The following TEAD1 variants were observed in gnomAD, a reference collection of about 807,000 sequenced individuals.
TEAD1 encodes the protein TEA domain transcription factor 1, also known as transcriptional enhancer factor TEF-1.
In TEAD1, 9 loss-of-function variants were observed where a neutral mutation model predicts 54.9. That is an observed-to-expected ratio of 0.16 (90% CI 0.10 to 0.29). TEAD1 has a LOEUF of 0.29. Among genes scored for constraint, TEAD1 ranks in the 10% least tolerant of loss-of-function variants. TEAD1 has a pLI of 1.00. For synonymous variants in TEAD1, 200 were observed against 187.8 expected, an observed-to-expected ratio of 1.07 and a Z score of -0.53; for missense variants, 387 against 535.9, an observed-to-expected ratio of 0.72 and a Z score of 2.74.
In TEAD1 at chr11:12,938,968, C is replaced by G. The variant is rs540492547; in HGVS notation, c.*1746C>G. On this transcript the variant is annotated 3_prime_UTR_variant, in exon 13 of 13. Coordinates refer to ENST00000527636, the MANE Select transcript of TEAD1 (RefSeq NM_021961.6). ...CCACATCCAATTAACTTACACACCC[C>G]CTTCCCTGTCTCAACACCTGCTTTG... The G allele has an allele frequency of 6.6e-6, 1 of 152,340 alleles. No individual in the cohort carries two copies. Among genetic ancestry groups the G allele is most frequent in the South Asian group, 2.1e-4 (1 of 4,826 alleles). The allele number at this position is 152,340 out of a possible 1,614,324, so 9.4% of individuals were successfully genotyped here.
At chr11:12,845,452 T>C (rs1947127299) in intron 3 of TEAD1, among the ~76,000 whole-genome samples, 1 of 152,170 alleles carries the variant, frequency 6.6e-6, no homozygotes, top group African/African-American at 2.4e-5. Flanking sequence ...ATTGAGTTAA[T>C]GTGTAGGGAA....
chr11:12,755,563 A>C (rs1944967774), intron 2 of TEAD1, among the ~76,000 whole-genome samples: 1 of 152,216 alleles, frequency 6.6e-6, no homozygotes. Context: ...GAAAAGGCTT[A>C]TGAGTTTTCC....
Position 12,738,285 on chromosome 11 carries a change from C to T in TEAD1, c.-54-25894C>T, listed in dbSNP as rs138569049. 4.3e-3 allele frequency among the ~76,000 whole-genome samples: 649 copies of T among 152,192 alleles called. 8 individuals are homozygous for T. The highest frequency in any genetic ancestry group is 0.015 in the African/African-American group (623 of 41,516). ...GTAGGGGAAGAAAATCAATTACTGC[C>T]CCGTACCTTCTGAGCTGACCCCTAA... is the stretch of plus-strand genomic sequence containing the variant. On this transcript the variant is annotated intron_variant, in intron 2 of 12. Transcript: ENST00000527636.
intron 2 of TEAD1, among the ~76,000 whole-genome samples, chr11:12,697,900 A>G (rs903174254): frequency 6.6e-6 from 1 of 152,008 alleles, no homozygotes; most frequent in Non-Finnish European, 1.5e-5. Flanking sequence ...GCAGGCACCT[A>G]TAATCCCAGC....
At chr11:12,719,861 A>G (rs1340067320) in intron 2 of TEAD1, among the ~76,000 whole-genome samples, 4 of 143,322 alleles carry the variant, frequency 2.8e-5, no homozygotes, top group South Asian at 2.5e-4. Flanking sequence ...GAAAGAGGGG[A>G]GGGCTGAGTA....
At chr11:12,680,085 T>C (rs189985569) in intron 2 of TEAD1, among the ~76,000 whole-genome samples, 1 of 152,134 alleles carries the variant, frequency 6.6e-6, no homozygotes, top group African/African-American at 2.4e-5. Context: ...TTGACAGAAA[T>C]CATTGTTAAT....
intron 2 of TEAD1, among the ~76,000 whole-genome samples, chr11:12,700,513 G>A (rs1247518819): frequency 6.6e-6 from 1 of 152,168 alleles, no homozygotes; most frequent in Non-Finnish European, 1.5e-5. Context: ...AAAAAATGAT[G>A]TTATACCTGT....
At chr11:12,783,133 T>TGTGTGTGTGTGCGC (rs1198828193) in intron 3 of TEAD1, among the ~76,000 whole-genome samples, 2 of 145,496 alleles carry the variant, frequency 1.4e-5, no homozygotes, top group African/African-American at 5.4e-5. Flanking sequence ...TGTGTGTGTG[T>TGTGTGTGTGTGCGC]GCGCGCACTT....
chr11:12,744,891 C>T (rs777065068), intron 2 of TEAD1, among the ~76,000 whole-genome samples: 3 of 152,206 alleles, frequency 2.0e-5, no homozygotes, highest in South Asian at 2.1e-4. Flanking sequence ...CCAGACTGCA[C>T]GGGTTCTGAG....
At chr11:12,719,915 A>G (rs1165520928) in intron 2 of TEAD1, among the ~76,000 whole-genome samples, 1 of 139,790 alleles carries the variant, frequency 7.2e-6, no homozygotes, top group South Asian at 2.4e-4. Context: ...TGAAAATTCA[A>G]CTTTGCAAAC....
intron 3 of TEAD1, among the ~76,000 whole-genome samples, chr11:12,768,070 CAGAT>C (rs1238366711): frequency 6.6e-6 from 1 of 152,162 alleles, no homozygotes; most frequent in African/African-American, 2.4e-5. Flanking sequence ...AAATCCCAGT[CAGAT>C]AGACCCCATA....
chr11:12,710,436 C>T (rs1234781403), intron 2 of TEAD1, among the ~76,000 whole-genome samples: 2 of 152,072 alleles, frequency 1.3e-5, no homozygotes, highest in Non-Finnish European at 1.5e-5. Context: ...AGATGTGGCT[C>T]CTGTTATTCA....
At chr11:12,700,548 C>T (rs906739922) in intron 2 of TEAD1, among the ~76,000 whole-genome samples, 2 of 152,070 alleles carry the variant, frequency 1.3e-5, no homozygotes, top group African/African-American at 2.4e-5. Flanking sequence ...ACGAGTTTTG[C>T]GTATATTTTA....
intron 2 of TEAD1, among the ~76,000 whole-genome samples, chr11:12,694,324 C>G (rs1943531522): frequency 6.6e-6 from 1 of 151,788 alleles, no homozygotes. Context: ...AGAGAACAAA[C>G]TAACACACTC....
intron 1 of TEAD1, 29 bp from the exon 2 acceptor site, chr11:12,675,380 G>C (rs1485895464): frequency 6.6e-6 from 1 of 152,410 alleles, no homozygotes; most frequent in Non-Finnish European, 1.5e-5. Context: ...AGATGAAAAA[G>C]GGCACGGTCG....
At chr11:12,761,615 TG>T (rs1370063528) in intron 2 of TEAD1, among the ~76,000 whole-genome samples, 1 of 152,132 alleles carries the variant, frequency 6.6e-6, no homozygotes, top group Non-Finnish European at 1.5e-5. Flanking sequence ...TGCCATTTAT[TG>T]GGGGCCACTA....
intron 4 of TEAD1, among the ~76,000 whole-genome samples, chr11:12,864,265 A>G (rs1445635580): frequency 1.3e-5 from 2 of 152,210 alleles, no homozygotes; most frequent in Non-Finnish European, 2.9e-5. Flanking sequence ...AAATTGAGAA[A>G]AAGGGATTTT....
At chr11:12,896,406 A>G (rs1170059828) in intron 9 of TEAD1, among the ~76,000 whole-genome samples, 4 of 152,178 alleles carry the variant, frequency 2.6e-5, no homozygotes, top group African/African-American at 9.7e-5. Context: ...TTGTAGGAAC[A>G]TACCCTCCTA....
intron 2 of TEAD1, among the ~76,000 whole-genome samples, chr11:12,709,960 T>C (rs2133850221): frequency 6.6e-6 from 1 of 152,102 alleles, no homozygotes; most frequent in African/African-American, 2.4e-5. Context: ...TCCTACAACA[T>C]CTTTTTCTTA....
Sources: allele counts gnomAD v4.1 joint callset (sites outside exome capture counted in the v4.1 genomes callset), GRCh38; gene constraint gnomAD v4.1.1; transcripts MANE v1.5; gene names NCBI Gene and HGNC (gene_info 2026-07-23, HGNC 2026-07-21).